GALNT18: variants seen among roughly 807,000 people sequenced by gnomAD.
The protein encoded by GALNT18 is GalNAc-transferase 18.
A neutral mutation model predicts 69.5 loss-of-function variants in GALNT18; 44 were observed. The ratio of observed to expected loss-of-function variants is 0.63; its 90% CI spans 0.50 to 0.81. The LOEUF is 0.81. Ranked by LOEUF, GALNT18 falls within the 40% of genes least tolerant of loss-of-function variation. GALNT18 has a pLI of 0.00. For synonymous variants in GALNT18, 364 were observed against 318.2 expected (o/e 1.14, Z -1.53); for missense variants, 715 against 810.0 (o/e 0.88, Z 1.42).
chr11:11,521,920 C>A, intron 1 of GALNT18, among the ~76,000 whole-genome samples: 1 of 152,310 alleles, frequency 6.6e-6, no homozygotes, highest in East Asian at 1.9e-4. Flanking sequence ...CTCGCTTTAA[C>A]CCCATAAAGG....
At position 11,505,844 on chromosome 11, in the gene GALNT18, T is replaced by G. The variant is rs1857059532; in HGVS notation, c.236-56908A>C. On this transcript the variant is annotated intron_variant, in intron 1 of 10. Coordinates refer to ENST00000227756, the MANE Select transcript of GALNT18 (RefSeq NM_198516.3). The surrounding 1 kb of genome is among the most constrained non-coding windows in gnomAD (Gnocchi z 4.6). ...TGGACCCTTTCCACAGTAAATCCTCTAGCCCAGGCCTTACTGATCTAATCT... is the reference window on the plus strand; with the variant it reads ...TGGACCCTTTCCACAGTAAATCCTCGAGCCCAGGCCTTACTGATCTAATCT... Among the ~76,000 whole-genome samples, 1 of 152,214 alleles carries G rather than the reference T, an allele frequency of 6.6e-6. No individual in the cohort carries two copies. Among genetic ancestry groups the G allele is most frequent in the Admixed American group, 6.5e-5 (1 of 15,282 alleles).
chr11:11,394,991 C>T (rs1037702607), intron 3 of GALNT18, among the ~76,000 whole-genome samples: 2 of 152,254 alleles, frequency 1.3e-5, no homozygotes, highest in Admixed American at 6.5e-5. Flanking sequence ...AGTCTGAAGA[C>T]AACTCAGCAC....
rs147858568 is a variant in GALNT18 at position 11,617,546 on chromosome 11, T to C, written c.235+3813A>G. Among the ~76,000 whole-genome samples the C allele has an allele frequency of 1.5e-3, 233 of 152,352 alleles. 1 individual carries two copies. The highest frequency in any genetic ancestry group is 5.4e-3 in the African/African-American group (226 of 41,588). Reference sequence around the variant, plus strand: ...TATAAAATTACATGTAAATCATGACTACACCTTCATTTTGAAATATGGAGG... The same window carrying C: ...TATAAAATTACATGTAAATCATGACCACACCTTCATTTTGAAATATGGAGG... On this transcript the variant is annotated intron_variant, in intron 1 of 10. Transcript: ENST00000227756. This position sits in a 1 kb window ranked among gnomAD's most constrained non-coding sequence, Gnocchi z 4.7.
chr11:11,445,547 T>C (rs1305451412), intron 2 of GALNT18, among the ~76,000 whole-genome samples: 1 of 152,220 alleles, frequency 6.6e-6, no homozygotes, highest in East Asian at 1.9e-4. Context: ...AAGGAGGCAC[T>C]GTTTTACCTA....
chr11:11,608,462 C>G (rs1374714494), intron 1 of GALNT18, among the ~76,000 whole-genome samples: 1 of 152,030 alleles, frequency 6.6e-6, no homozygotes, highest in Admixed American at 6.6e-5. Flanking sequence ...CAGGTTCAAG[C>G]AATTCTCCTG....
At chr11:11,274,120 G>A (rs73415654) in intron 10 of GALNT18, among the ~76,000 whole-genome samples, 5,024 of 152,174 alleles carry the variant, frequency 0.033, 276 homozygotes, top group African/African-American at 0.12. Flanking sequence ...AAAGCTGTGA[G>A]AGAGTGTACC....
At chr11:11,348,381 GAAA>G (rs71988944) in intron 6 of GALNT18, among the ~76,000 whole-genome samples, 1 of 77,048 alleles carries the variant, frequency 1.3e-5, no homozygotes, top group Admixed American at 1.6e-4. Context: ...TTCGTCTCAG[GAAA>G]AAAAAAAAAA....
chr11:11,484,644 CCAGGGGTCT>C (rs1319850865), intron 1 of GALNT18, among the ~76,000 whole-genome samples: 1 of 151,400 alleles, frequency 6.6e-6, no homozygotes, highest in Non-Finnish European at 1.5e-5. Context: ...AATAAAGCCC[CCAGGGGTCT>C]CTCTGCTGCC....
At chr11:11,455,455 G>A (rs993692263) in intron 1 of GALNT18, among the ~76,000 whole-genome samples, 2 of 152,146 alleles carry the variant, frequency 1.3e-5, no homozygotes, top group African/African-American at 4.8e-5. Context: ...AGGAAAAGAT[G>A]CTTGAATTGA....
chr11:11,506,827 C>A (rs1427591598), intron 1 of GALNT18, among the ~76,000 whole-genome samples: 2 of 152,174 alleles, frequency 1.3e-5, no homozygotes, highest in African/African-American at 4.8e-5. Flanking sequence ...TGTGCAGCTG[C>A]TGAGGAGGGT....
chr11:11,515,033 C>T (rs1857243639), intron 1 of GALNT18, among the ~76,000 whole-genome samples: 1 of 152,226 alleles, frequency 6.6e-6, no homozygotes, highest in Non-Finnish European at 1.5e-5. Context: ...AAATGAGAGG[C>T]ATTACAGAGG....
chr11:11,457,260 C>T (rs112203164), intron 1 of GALNT18, among the ~76,000 whole-genome samples: 112 of 152,322 alleles, frequency 7.4e-4, no homozygotes, highest in African/African-American at 2.5e-3. Flanking sequence ...TATTGTAATG[C>T]TGCCCAGCCC....
chr11:11,611,177 A>G (rs947909515), intron 1 of GALNT18, among the ~76,000 whole-genome samples: 1 of 152,238 alleles, frequency 6.6e-6, no homozygotes, highest in African/African-American at 2.4e-5. Flanking sequence ...TTCCCAGCAT[A>G]TAACTCACAA....
intron 10 of GALNT18, among the ~76,000 whole-genome samples, chr11:11,272,756 A>C: frequency 6.6e-6 from 1 of 150,788 alleles, no homozygotes; most frequent in African/African-American, 2.5e-5. Flanking sequence ...CTCCACTTCC[A>C]CCTCCTCAGT....
intron 6 of GALNT18, chr11:11,352,450 T>C: frequency 6.2e-7 from 1 of 1,614,208 alleles, no homozygotes; most frequent in African/African-American, 1.3e-5. Flanking sequence ...AAGATCATAC[T>C]TGCCAGCATA....
At chr11:11,357,005 C>T (rs534083352) in intron 6 of GALNT18, among the ~76,000 whole-genome samples, 2 of 152,220 alleles carry the variant, frequency 1.3e-5, no homozygotes, top group East Asian at 1.9e-4. Flanking sequence ...GCAATAGCCA[C>T]GGAGCTTCCT....
At chr11:11,581,988 G>A (rs780110523) in intron 1 of GALNT18, among the ~76,000 whole-genome samples, 11 of 152,008 alleles carry the variant, frequency 7.2e-5, no homozygotes, top group Non-Finnish European at 1.6e-4. Context: ...CAGTTTACTG[G>A]AAGAGAAAGA....
chr11:11,320,831 C>G lies in GALNT18; in HGVS notation c.1512+6255G>C, dbSNP rs1323061719. ...GGGCAGGCCACAGCCTCAACAGAGT[C>G]CTGCCACAGCAGCATCCCTACCCCT... On this transcript the variant is annotated intron_variant, in intron 9 of 10. Coordinates refer to ENST00000227756, the MANE Select transcript of GALNT18 (RefSeq NM_198516.3). The surrounding 1 kb of genome is among the most constrained non-coding windows in gnomAD (Gnocchi z 4.9). Among the ~76,000 whole-genome samples the G allele has an allele frequency of 2.0e-5, 3 of 152,190 alleles. No homozygotes were observed. Among genetic ancestry groups the G allele is most frequent in the Non-Finnish European group, 4.4e-5 (3 of 68,030 alleles).
intron 3 of GALNT18, among the ~76,000 whole-genome samples, chr11:11,407,023 GC>G (rs1466932617): frequency 6.6e-6 from 1 of 152,212 alleles, no homozygotes; most frequent in Non-Finnish European, 1.5e-5. Flanking sequence ...GCTTAGAATA[GC>G]CTAAGTGGAG....
Sources: gnomAD v4.1 joint callset for allele counts (sites outside exome capture counted in the v4.1 genomes callset) on GRCh38, gnomAD v4.1.1 for gene constraint, Gnocchi (gnomAD v3.1) non-coding constraint, MANE v1.5 for transcripts, NCBI Gene and HGNC (gene_info 2026-07-23, HGNC 2026-07-21) for gene names.